The following PTPRO variants were observed in gnomAD, a reference collection of about 807,000 sequenced individuals.
The protein encoded by PTPRO is receptor-type tyrosine-protein phosphatase O.
A neutral mutation model predicts 145.2 loss-of-function variants in PTPRO; 62 were observed. That is an observed-to-expected ratio of 0.43 (90% CI 0.35 to 0.53). The LOEUF (loss-of-function observed/expected upper bound fraction) is 0.53. Ranked by LOEUF, PTPRO falls within the 20% of genes least tolerant of loss-of-function variation. PTPRO has a pLI of 0.01. For missense variants in PTPRO, 1,345 were observed against 1,482.7 expected (o/e 0.91, Z 1.53); for synonymous variants, 565 against 514.7 (o/e 1.10, Z -1.32).
chr12:15,459,964 T>C (rs1591830774), intron 1 of PTPRO, among the ~76,000 whole-genome samples: 1 of 152,182 alleles, frequency 6.6e-6, no homozygotes, highest in Admixed American at 6.5e-5. Context: ...TTTATGTTCC[T>C]TGGGTTTATT....
Position 15,499,424 on chromosome 12 carries a change from T to C in PTPRO, c.509-18T>C. 2 of 1,609,326 alleles carry C rather than the reference T, an allele frequency of 1.2e-6. No homozygotes were observed. The highest frequency in any genetic ancestry group is 2.2e-5 in the East Asian group (1 of 44,774). ...TTAGAAGACCATATTTTTCATGTAA[T>C]TGATTTTCTCTTCACAGATTTCTTT... On this transcript the variant is annotated intron_variant, in intron 3 of 26. Coordinates refer to ENST00000281171, the MANE Select transcript of PTPRO (RefSeq NM_030667.3).
In PTPRO at chr12:15,573,344, A is replaced by G. The variant is rs572487174; in HGVS notation, c.2829+3846A>G. ...TACGTAGCATAATCAGCCTTCCTCA[A>G]ACTCTACTTACGTAAATGTTAATCA... On this transcript the variant is annotated intron_variant, in intron 19 of 26. Transcript: ENST00000281171. Among the ~76,000 whole-genome samples the G allele has an allele frequency of 2.0e-5, 3 of 152,262 alleles. No homozygotes were observed. In the East Asian group the frequency reaches 5.8e-4, roughly 29 times the overall value.
chr12:15,496,523 A>G (rs1009988959), intron 2 of PTPRO, among the ~76,000 whole-genome samples: 2 of 152,224 alleles, frequency 1.3e-5, no homozygotes, highest in Non-Finnish European at 2.9e-5. Flanking sequence ...ATTATTTACA[A>G]GAATTTTGCA....
intron 2 of PTPRO, among the ~76,000 whole-genome samples, chr12:15,493,400 A>T (rs890120317): frequency 6.6e-6 from 1 of 152,162 alleles, no homozygotes; most frequent in African/African-American, 2.4e-5. Flanking sequence ...AAAGTCCAGG[A>T]CACAATTTTA....
At chr12:15,452,311 G>A (rs1396408528) in intron 1 of PTPRO, among the ~76,000 whole-genome samples, 5 of 152,036 alleles carry the variant, frequency 3.3e-5, no homozygotes, top group Non-Finnish European at 7.4e-5. Context: ...TAGAAACCCT[G>A]AACAGGCCAA....
chr12:15,391,437 C>G lies in PTPRO; in HGVS notation c.75+68636C>G, dbSNP rs576316178. ...CCTAGGGTTCTTTGCTAGTTGGACC[C>G]AGACTTTTACACTTGAGAGATCCCA... On this transcript the variant is annotated intron_variant, in intron 1 of 26. Transcript: ENST00000281171. Among the ~76,000 whole-genome samples, 6 of 152,270 alleles carry G rather than the reference C, an allele frequency of 3.9e-5. No individual in the cohort carries two copies. In the South Asian group the frequency reaches 8.3e-4, roughly 21 times the overall value.
At chr12:15,427,266 T>C (rs534058105) in intron 1 of PTPRO, among the ~76,000 whole-genome samples, 5 of 152,182 alleles carry the variant, frequency 3.3e-5, no homozygotes, top group Admixed American at 1.3e-4. Context: ...TAAATGTATA[T>C]ATTTTTGTCT....
chr12:15,503,666 C>T (rs557275635), intron 5 of PTPRO, among the ~76,000 whole-genome samples: 110 of 152,130 alleles, frequency 7.2e-4, no homozygotes, highest in African/African-American at 2.6e-3. Flanking sequence ...ACAGTGTAGA[C>T]CCATCCCTAG....
rs748199764 is a variant in PTPRO at position 15,549,259 on chromosome 12, CT to C, written c.2437+40del. 39 of 1,513,226 alleles carry C rather than the reference CT, an allele frequency of 2.6e-5. No individual in the cohort carries two copies. In the East Asian group the frequency reaches 3.2e-4, roughly 13 times the overall value. The allele number at this position is 1,513,226 out of a possible 1,614,324, so 93.7% of individuals were successfully genotyped here. Reference sequence around the variant, plus strand: ...TACACATTAGTGTATAATTTTCTCACTTTTTTTGAATATATATATATATATG... The same window carrying C: ...TACACATTAGTGTATAATTTTCTCACTTTTTTGAATATATATATATATATG... On this transcript the variant is annotated intron_variant, in intron 14 of 26. Transcript: ENST00000281171.
intron 1 of PTPRO, among the ~76,000 whole-genome samples, chr12:15,333,451 G>T (rs918792727): frequency 1.3e-5 from 2 of 152,226 alleles, no homozygotes; most frequent in Admixed American, 1.3e-4. Context: ...CTGGAAGAGT[G>T]CCTGGCCTAT....
rs149904545 is a variant in PTPRO, at chr12:15,365,323, T to G, written c.75+42522T>G. Among the ~76,000 whole-genome samples the G allele has an allele frequency of 1.3e-3, 197 of 152,284 alleles. 2 individuals carry two copies. The highest frequency in any genetic ancestry group is 4.6e-3 in the African/African-American group (190 of 41,558). ...AGACTCAAACAAAAGCATAGAAAAC[T>G]TTGTTTTCAAAAAGTAAAAACCATT... On this transcript the variant is annotated intron_variant, in intron 1 of 26. Coordinates refer to ENST00000281171, the MANE Select transcript of PTPRO (RefSeq NM_030667.3).
intron 1 of PTPRO, among the ~76,000 whole-genome samples, chr12:15,364,066 A>T (rs975811047): frequency 1.4e-4 from 21 of 152,312 alleles, no homozygotes; most frequent in Admixed American, 3.9e-4. Context: ...CATAATTCTG[A>T]CAAAGATTAA....
chr12:15,534,864 AT>A (rs1212604542), intron 12 of PTPRO, among the ~76,000 whole-genome samples: 7 of 152,236 alleles, frequency 4.6e-5, no homozygotes, highest in African/African-American at 1.4e-4. Flanking sequence ...TTAAGGGGCT[AT>A]TTGTGCCAGC....
At chr12:15,444,335 G>GGGGAGA (rs1237322470) in intron 1 of PTPRO, among the ~76,000 whole-genome samples, 1 of 152,020 alleles carries the variant, frequency 6.6e-6, no homozygotes, top group Non-Finnish European at 1.5e-5. Flanking sequence ...GACTACTCAA[G>GGGGAGA]GGGAGAGGGA....
At chr12:15,544,209 T>A (rs1265481791) in intron 12 of PTPRO, among the ~76,000 whole-genome samples, 4 of 151,800 alleles carry the variant, frequency 2.6e-5, no homozygotes, top group African/African-American at 9.7e-5. Context: ...AAAAATAGAT[T>A]AAAGGAGGCC....
rs1281330351 is a variant in PTPRO, at chr12:15,520,266, T to A, written c.1845T>A (p.Asp615Glu). 1 of 1,613,712 alleles carries A rather than the reference T, an allele frequency of 6.2e-7. No individual in the cohort carries two copies. Among genetic ancestry groups the A allele is most frequent in the Non-Finnish European group, 8.5e-7 (1 of 1,179,852 alleles). ...GGGTTACCATGGTGACGTGGGGAGA[T>A]CCAGAATTGAGCTGCTGTGACAGCT... ...NFRVTMVTWG[D>E]PELSCCDSST... is the part of the protein sequence containing the mutation. Residue 615 changes from aspartate to glutamate, a missense_variant, in exon 10 of 27, where the codon GAT (aspartate) becomes GAA (glutamate). Transcript: ENST00000281171.
Position 15,541,840 on chromosome 12 carries a change from C to T in PTPRO, c.2165-4729C>T, listed in dbSNP as rs571314961. Reference sequence around the variant, plus strand: ...CAGCCTGGCCAACATGGTGAAACCCCGTCTCTACTAAAAATACAAAAATTA... The same window carrying T: ...CAGCCTGGCCAACATGGTGAAACCCTGTCTCTACTAAAAATACAAAAATTA... On this transcript the variant is annotated intron_variant, in intron 12 of 26. Coordinates refer to ENST00000281171, the MANE Select transcript of PTPRO (RefSeq NM_030667.3). 2.1e-4 allele frequency among the ~76,000 whole-genome samples: 32 copies of T among 152,140 alleles called. 1 individual carries two copies. In the South Asian group the frequency reaches 3.1e-3, roughly 15 times the overall value.
chr12:15,568,038 A>T (rs1241199191), intron 18 of PTPRO, among the ~76,000 whole-genome samples: 1 of 152,214 alleles, frequency 6.6e-6, no homozygotes, highest in Non-Finnish European at 1.5e-5. Flanking sequence ...GCCCTCTAAA[A>T]TTTACTAAAA....
At chr12:15,586,672 G>T (rs1944435864) in intron 23 of PTPRO, among the ~76,000 whole-genome samples, 1 of 152,132 alleles carries the variant, frequency 6.6e-6, no homozygotes, top group South Asian at 2.1e-4. Flanking sequence ...CACAGGTACA[G>T]ATTAGCCTAC....
Sources: gnomAD v4.1 joint callset for allele counts (sites outside exome capture counted in the v4.1 genomes callset) on GRCh38, gnomAD v4.1.1 for gene constraint, MANE v1.5 for transcripts, NCBI Gene and HGNC (gene_info 2026-07-23, HGNC 2026-07-21) for gene names.